The following CDH18 variants were observed in gnomAD, a reference collection of about 807,000 sequenced individuals.
CDH18 encodes the protein cadherin 18, also known as cadherin-18.
In CDH18, 31 loss-of-function variants were observed where a neutral mutation model predicts 67.9. The observed-to-expected ratio is 0.46, with a 90% CI of 0.34 to 0.62. The LOEUF (loss-of-function observed/expected upper bound fraction) is 0.62. Among genes scored for constraint, CDH18 ranks in the 20% least tolerant of loss-of-function variants. The probability of loss-of-function intolerance (pLI) is 0.01; values close to 1 mark genes in which losing one functional copy is unlikely to be tolerated. For synonymous variants in CDH18, 362 were observed against 347.2 expected (o/e 1.04, Z -0.48); for missense variants, 890 against 975.5 (o/e 0.91, Z 1.17).
intron 2 of CDH18, among the ~76,000 whole-genome samples, chr5:19,921,281 C>T (rs1169373829): frequency 6.6e-6 from 1 of 152,124 alleles, no homozygotes; most frequent in Admixed American, 6.5e-5. Flanking sequence ...CCTGTAATCC[C>T]AGCACTTTGG....
intron 5 of CDH18, among the ~76,000 whole-genome samples, chr5:19,718,839 T>C (rs781073118): frequency 2.2e-4 from 33 of 151,930 alleles, no homozygotes; most frequent in Non-Finnish European, 3.7e-4. Flanking sequence ...TTTTGTAGAG[T>C]AGCATTTGAA....
intron 1 of CDH18, among the ~76,000 whole-genome samples, chr5:20,344,271 G>A (rs1740522095): frequency 6.6e-6 from 1 of 152,136 alleles, no homozygotes; most frequent in South Asian, 2.1e-4. Flanking sequence ...TAATGCTTGT[G>A]AAATTTGCCT....
chr5:20,442,114 G>GC (rs898771793), intron 1 of CDH18, among the ~76,000 whole-genome samples: 1 of 151,822 alleles, frequency 6.6e-6, no homozygotes, highest in African/African-American at 2.4e-5. Flanking sequence ...AACAGTGGCT[G>GC]CATTACAAGA....
rs1380217107 is a variant in CDH18, at chr5:19,557,487, CTTA to C, written c.1254-13485_1254-13483del. 3.3e-5 allele frequency among the ~76,000 whole-genome samples: 5 copies of C among 151,928 alleles called. No individual in the cohort carries two copies. The East Asian group carries it at 9.7e-4, about 30-fold the overall frequency. The stretch of plus-strand genomic sequence containing the variant: ...CCAAAGGCAAGCAGGAGTAGCTATT[CTTA>C]TATCAGAGAAGATGAACTTTAAAGC... On this transcript the variant is annotated intron_variant, in intron 8 of 12. Transcript: ENST00000382275.
At chr5:19,766,941 C>A (rs552442177) in intron 3 of CDH18, among the ~76,000 whole-genome samples, 1 of 152,044 alleles carries the variant, frequency 6.6e-6, no homozygotes, top group African/African-American at 2.4e-5. Flanking sequence ...ACTTCACTCT[C>A]ATTGAGGGGA....
At chr5:20,093,044 C>G (rs1745580406) in intron 2 of CDH18, among the ~76,000 whole-genome samples, 1 of 151,946 alleles carries the variant, frequency 6.6e-6, no homozygotes, top group Non-Finnish European at 1.5e-5. Flanking sequence ...ATAATTTTAA[C>G]CATTTTCAAG....
At chr5:20,048,629 T>C (rs1741118269) in intron 2 of CDH18, among the ~76,000 whole-genome samples, 1 of 151,682 alleles carries the variant, frequency 6.6e-6, no homozygotes, top group African/African-American at 2.4e-5. Context: ...TCTGAACTTC[T>C]GTTGACTTCT....
At chr5:19,962,395 A>AAT (rs58319680) in intron 2 of CDH18, among the ~76,000 whole-genome samples, 2 of 117,048 alleles carry the variant, frequency 1.7e-5, no homozygotes, top group Non-Finnish European at 1.7e-5. Flanking sequence ...AAAAAAAAAA[A>AAT]AGAAAATTCA....
At chr5:20,171,588 T>C (rs1736715404) in intron 2 of CDH18, among the ~76,000 whole-genome samples, 1 of 152,084 alleles carries the variant, frequency 6.6e-6, no homozygotes, top group South Asian at 2.1e-4. Flanking sequence ...TGTAAATTTG[T>C]TTAAGTCTCT....
chr5:20,428,319 C>A, intron 1 of CDH18, among the ~76,000 whole-genome samples: 1 of 144,732 alleles, frequency 6.9e-6, no homozygotes, highest in African/African-American at 2.9e-5. Flanking sequence ...TGTATATGTG[C>A]CACGTTTTCT....
rs546577484 is a variant in CDH18, at chr5:20,460,418, A to C, written c.-580+115044T>G. ...AAATACATAAATAAATAAATAAATAAATAAATAAATAAATAAATAAATAAA... is the reference window on the plus strand; with the variant it reads ...AAATACATAAATAAATAAATAAATACATAAATAAATAAATAAATAAATAAA... On this transcript the variant is annotated intron_variant, in intron 1 of 14. Transcript: ENST00000507958. Among the ~76,000 whole-genome samples the C allele has an allele frequency of 6.1e-3, 921 of 150,872 alleles. 8 individuals are homozygous for C. Among genetic ancestry groups the C allele is most frequent in the Non-Finnish European group, 9.7e-3 (656 of 67,680 alleles).
At chr5:20,566,320 C>A (rs926126244) in intron 1 of CDH18, among the ~76,000 whole-genome samples, 3 of 151,376 alleles carry the variant, frequency 2.0e-5, no homozygotes, top group Non-Finnish European at 4.4e-5. Context: ...ACTCAGATGG[C>A]CTTAAAAGCT....
At position 20,294,003 on chromosome 5, in the gene CDH18, G is replaced by A. The variant is rs116271385; in HGVS notation, c.-579-38498C>T. On this transcript the variant is annotated intron_variant, in intron 1 of 14. Transcript: ENST00000507958. Reference sequence around the variant, plus strand: ...ACTTTCTCTTAAGTGGAAACTAATAGGACCCCAATAAATATTTTAATGAAT... The same window carrying A: ...ACTTTCTCTTAAGTGGAAACTAATAAGACCCCAATAAATATTTTAATGAAT... 9.5e-3 allele frequency among the ~76,000 whole-genome samples: 1,443 copies of A among 152,102 alleles called. 24 individuals are homozygous for A. The highest frequency in any genetic ancestry group is 0.032 in the African/African-American group (1,343 of 41,484).
intron 1 of CDH18, among the ~76,000 whole-genome samples, chr5:20,565,285 T>A (rs1581208583): frequency 6.9e-5 from 2 of 29,176 alleles, no homozygotes; most frequent in Non-Finnish European, 6.8e-5. Context: ...GACCTAAAGT[T>A]GTTGTTGTTG....
intron 5 of CDH18, among the ~76,000 whole-genome samples, chr5:19,666,233 GATTTTTATTATTATTATTATT>G (rs976266033): frequency 4.9e-5 from 6 of 122,284 alleles, no homozygotes; most frequent in African/African-American, 1.4e-4. Flanking sequence ...ACGCCTGTAT[GATTTTTATTATTATTATTATT>G]ATTATTATTA....
intron 2 of CDH18, among the ~76,000 whole-genome samples, chr5:20,077,747 C>T (rs1056680035): frequency 6.6e-6 from 1 of 152,086 alleles, no homozygotes; most frequent in Non-Finnish European, 1.5e-5. Flanking sequence ...TGTATTTTTA[C>T]ATTTGTTTAG....
At chr5:20,012,018 A>C (rs1457682111) in intron 2 of CDH18, among the ~76,000 whole-genome samples, 1 of 152,022 alleles carries the variant, frequency 6.6e-6, no homozygotes, top group African/African-American at 2.4e-5. Flanking sequence ...GAATGATACC[A>C]GCTCTTCTTT....
In CDH18 at chr5:20,515,307, TA is replaced by T. The variant is rs5866433; in HGVS notation, c.-580+60154del. ...AAAGGGGGAGAGAGAAAGAGAGTAA[TA>T]AAAAAAAAAAAAAGGAAAATAAAAC... is the stretch of plus-strand genomic sequence containing the variant. On this transcript the variant is annotated intron_variant, in intron 1 of 14. Coordinates refer to the CDH18 transcript ENST00000507958. 2.3e-3 allele frequency among the ~76,000 whole-genome samples: 282 copies of T among 121,034 alleles called. 1 individual carries two copies. The highest frequency in any genetic ancestry group is 0.013 in the Middle Eastern group (3 of 226). 79.4% of individuals were successfully genotyped at this position (121,034 alleles called of 152,430 possible). A position where few individuals can be genotyped will look rare whatever the true frequency, so the allele number is the denominator to read the frequency against.
At chr5:19,672,302 T>C (rs2150354292) in intron 5 of CDH18, among the ~76,000 whole-genome samples, 1 of 152,252 alleles carries the variant, frequency 6.6e-6, no homozygotes, top group African/African-American at 2.4e-5. Context: ...TATGTTCCAG[T>C]TTACTCATCA....
Sources: gnomAD v4.1 joint callset for allele counts (sites outside exome capture counted in the v4.1 genomes callset) on GRCh38, gnomAD v4.1.1 for gene constraint, MANE v1.5 for transcripts, NCBI Gene and HGNC (gene_info 2026-07-23, HGNC 2026-07-21) for gene names.